The following TCF4 variants were observed in gnomAD, a reference collection of about 807,000 sequenced individuals.
The protein encoded by TCF4 is transcription factor 4, also known as SL3-3 enhancer factor 2.
Under a neutral mutation model 82.1 loss-of-function variants are expected in TCF4, and 3 were observed. That is an observed-to-expected ratio of 0.04 (90% CI 0.02 to 0.09). TCF4 has a LOEUF of 0.09. TCF4 is among the 10% of genes least tolerant of loss of function. The pLI is 1.00. For synonymous variants in TCF4, 276 were observed against 309.6 expected (o/e 0.89, Z 1.14); for missense variants, 518 against 852.7 (o/e 0.61, Z 4.89).
intron 8 of TCF4, among the ~76,000 whole-genome samples, chr18:55,314,016 T>G (rs1464004535): frequency 1.3e-5 from 2 of 152,062 alleles, no homozygotes; most frequent in African/African-American, 4.8e-5. Flanking sequence ...ATGAAAAAAG[T>G]TGACACCAAT....
rs139460629 is a variant in TCF4, at chr18:55,311,961, A to G, written c.550-32305T>C. Among the ~76,000 whole-genome samples, 21 of 152,300 alleles carry G rather than the reference A, an allele frequency of 1.4e-4. No individual in the cohort carries two copies. In the East Asian group the frequency reaches 1.7e-3, roughly 13 times the overall value. ...TCTCCAATCCAGCCATACATTCATC[A>G]TCATAAAACCTGTCATGCTTTCAAT... is the stretch of plus-strand genomic sequence containing the variant. On this transcript the variant is annotated intron_variant, in intron 8 of 19. Transcript: ENST00000354452.
intron 3 of TCF4, among the ~76,000 whole-genome samples, chr18:55,472,729 A>AC (rs2096211878): frequency 6.6e-6 from 1 of 150,698 alleles, no homozygotes; most frequent in Non-Finnish European, 1.5e-5. Flanking sequence ...AAGTTACCAT[A>AC]TCTGAAGACT....
intron 5 of TCF4, among the ~76,000 whole-genome samples, chr18:55,426,336 ATC>A (rs1031186986): frequency 6.6e-6 from 1 of 152,144 alleles, no homozygotes; most frequent in African/African-American, 2.4e-5. Flanking sequence ...TCCACAGAAA[ATC>A]TGTTCCACTT....
chr18:55,543,438 C>T (rs537189997), intron 3 of TCF4, among the ~76,000 whole-genome samples: 2 of 152,148 alleles, frequency 1.3e-5, no homozygotes, highest in Admixed American at 6.5e-5. Flanking sequence ...TGACAATACA[C>T]CTAGAAAGTA....
chr18:55,237,467 C>CTTTT (rs538071929), intron 15 of TCF4, among the ~76,000 whole-genome samples: 2 of 122,650 alleles, frequency 1.6e-5, no homozygotes, highest in East Asian at 4.7e-4. Flanking sequence ...GTTGTTCTGA[C>CTTTT]TTTTTTTTTT....
chr18:55,413,132 G>A (rs535175593), intron 5 of TCF4, among the ~76,000 whole-genome samples: 3 of 151,990 alleles, frequency 2.0e-5, no homozygotes, highest in Admixed American at 1.3e-4. Flanking sequence ...AGAATGGGGG[G>A]GGACATGACA....
intron 3 of TCF4, among the ~76,000 whole-genome samples, chr18:55,487,028 G>A (rs2096525228): frequency 6.6e-6 from 1 of 152,124 alleles, no homozygotes; most frequent in Admixed American, 6.5e-5. Flanking sequence ...AAAATCTTCA[G>A]TGGCTCCCTA....
At chr18:55,620,584 G>T (rs1162737916) in intron 2 of TCF4, among the ~76,000 whole-genome samples, 1 of 152,048 alleles carries the variant, frequency 6.6e-6, no homozygotes, top group Non-Finnish European at 1.5e-5. Flanking sequence ...GGTGGCTTTG[G>T]TCTTCCCCAC....
intron 3 of TCF4, among the ~76,000 whole-genome samples, chr18:55,531,624 C>T (rs993459403): frequency 6.6e-6 from 1 of 152,132 alleles, no homozygotes; most frequent in Non-Finnish European, 1.5e-5. Context: ...CAGCAATTTG[C>T]TAAATGTGAT....
intron 3 of TCF4, among the ~76,000 whole-genome samples, chr18:55,567,780 A>G (rs1392407879): frequency 6.6e-6 from 1 of 152,200 alleles, no homozygotes; most frequent in African/African-American, 2.4e-5. Context: ...GAATTCATAG[A>G]GTACACATTC....
At chr18:55,631,425 T>A in intron 1 of TCF4, 1 of 1,538,776 alleles carries the variant, frequency 6.5e-7, no homozygotes, top group Non-Finnish European at 8.8e-7. Context: ...CATGTTAGAA[T>A]GAAGGCAGGT....
chr18:55,452,074 T>G (rs1045589757), intron 5 of TCF4, among the ~76,000 whole-genome samples: 1 of 152,160 alleles, frequency 6.6e-6, no homozygotes, highest in Non-Finnish European at 1.5e-5. Flanking sequence ...AAAAACTTTT[T>G]CTACTAAATA....
chr18:55,366,920 T>C (rs914787797), intron 6 of TCF4, among the ~76,000 whole-genome samples: 5 of 152,242 alleles, frequency 3.3e-5, no homozygotes, highest in Non-Finnish European at 5.9e-5. Context: ...TATATAAGCA[T>C]GATCATAACT....
At chr18:55,416,840 C>T (rs1264157382) in intron 5 of TCF4, among the ~76,000 whole-genome samples, 3 of 152,136 alleles carry the variant, frequency 2.0e-5, no homozygotes, top group Non-Finnish European at 2.9e-5. Context: ...TGCCTCTTTA[C>T]GTGGGTAAAA....
At chr18:55,256,765 A>G (rs1463943278) in intron 14 of TCF4, among the ~76,000 whole-genome samples, 4 of 152,282 alleles carry the variant, frequency 2.6e-5, no homozygotes, top group African/African-American at 9.6e-5. Flanking sequence ...ATGAGGAGAG[A>G]AAGACTGAAG....
At chr18:55,386,239 T>C (rs773698385) in intron 6 of TCF4, among the ~76,000 whole-genome samples, 4 of 152,178 alleles carry the variant, frequency 2.6e-5, no homozygotes, top group Non-Finnish European at 5.9e-5. Flanking sequence ...TCATTAGGGT[T>C]TGGGACACAC....
rs587781188 is a variant in TCF4, at chr18:55,228,246, C to A, written c.1995G>T (p.Ser665=). 2 of 1,614,008 alleles carry A rather than the reference C, an allele frequency of 1.2e-6. No individual in the cohort carries two copies. The highest frequency in any genetic ancestry group is 1.7e-6 in the Non-Finnish European group (2 of 1,180,014). ...CCTTTTACATCTGTCCCATGTGATT[C>A]GATGCGTCTCCCATTCCAGGGTGTG... ...AGPHPGMGDA[S]NHMGQM is the part of the protein sequence containing the mutation. The change falls in exon 19 of 20, where the codon TCG becomes TCT. Residue 665 remains serine, a synonymous_variant. Coordinates refer to ENST00000354452, the MANE Select transcript of TCF4 (RefSeq NM_001083962.2).
chr18:55,287,971 C>G (rs1467562013), intron 8 of TCF4, among the ~76,000 whole-genome samples: 2 of 151,976 alleles, frequency 1.3e-5, no homozygotes, highest in Non-Finnish European at 2.9e-5. Flanking sequence ...TCAATTAAAA[C>G]AAAGGAACTT....
chr18:55,362,471 C>A (rs935819379), intron 6 of TCF4, among the ~76,000 whole-genome samples: 1 of 150,568 alleles, frequency 6.6e-6, no homozygotes, highest in African/African-American at 2.5e-5. Flanking sequence ...CTGACCCTGA[C>A]CTTTGGACTC....
Sources: allele counts gnomAD v4.1 joint callset (sites outside exome capture counted in the v4.1 genomes callset), GRCh38; gene constraint gnomAD v4.1.1; transcripts MANE v1.5; gene names NCBI Gene and HGNC (gene_info 2026-07-23, HGNC 2026-07-21).